Variants in NAA20 observed in about 807,000 individuals in gnomAD.
NAA20 encodes the protein N-alpha-acetyltransferase 20.
A neutral mutation model predicts 23.8 loss-of-function variants in NAA20; 24 were observed. The ratio of observed to expected loss-of-function variants is 1.01; its 90% CI spans 0.73 to 1.42. The LOEUF (loss-of-function observed/expected upper bound fraction) is 1.42. Ranked by LOEUF, NAA20 falls within the 40% of genes most tolerant of loss-of-function variation. The probability of loss-of-function intolerance (pLI) is 0.00; values close to 1 mark genes in which losing one functional copy is unlikely to be tolerated. For missense variants in NAA20, 166 were observed against 223.1 expected, an observed-to-expected ratio of 0.74 and a Z score of 1.63; for synonymous variants, 83 against 77.7, an observed-to-expected ratio of 1.07 and a Z score of -0.36.
intron 3 of NAA20, among the ~76,000 whole-genome samples, chr20:20,026,511 GT>G (rs11481799): frequency 0.01 from 1,480 of 142,648 alleles, 28 homozygotes; most frequent in African/African-American, 0.036. Context: ...ACATACTCTG[GT>G]TTTTTTTTTT....
Position 20,025,657 on chromosome 20 carries a change from A to G in NAA20, c.79-20A>G, listed in dbSNP as rs752761877. On this transcript the variant is annotated intron_variant, in intron 2 of 5. Transcript: ENST00000334982. ...CTTTTTACTGTCCATTACTTTTCAC[A>G]CTCCTTAACAGGACTCTAGTATGGG... The G allele has an allele frequency of 3.2e-6, 5 of 1,567,284 alleles. No homozygotes were observed. Among genetic ancestry groups the G allele is most frequent in the Middle Eastern group, 1.7e-4 (1 of 5,980 alleles).
At chr20:20,024,390 C>A (rs898818533) in intron 2 of NAA20, among the ~76,000 whole-genome samples, 1 of 152,148 alleles carries the variant, frequency 6.6e-6, no homozygotes, top group Non-Finnish European at 1.5e-5. Context: ...AATTAACTTA[C>A]AGGTGCAGGC....
rs376934482 is a variant in NAA20 at position 20,019,992 on chromosome 20, T to G, written c.54-2464T>G. Among the ~76,000 whole-genome samples the G allele has an allele frequency of 1.1e-4, 17 of 152,364 alleles. 1 individual carries two copies. Among genetic ancestry groups the G allele is most frequent in the African/African-American group, 4.1e-4 (17 of 41,588 alleles). On this transcript the variant is annotated intron_variant, in intron 1 of 5. Coordinates refer to ENST00000334982, the MANE Select transcript of NAA20 (RefSeq NM_016100.5). ...AGTTGGAATTGAAATAATCCATGGATGTAGAACACTGCAATTAATTTAACA... is the reference window on the plus strand; with the variant it reads ...AGTTGGAATTGAAATAATCCATGGAGGTAGAACACTGCAATTAATTTAACA...
At chr20:20,022,906 G>A (rs1290782397) in intron 2 of NAA20, among the ~76,000 whole-genome samples, 1 of 152,148 alleles carries the variant, frequency 6.6e-6, no homozygotes, top group Non-Finnish European at 1.5e-5. Context: ...CCCTCCCAGG[G>A]TGGCCGTAAC....
chr20:20,032,601 G>T lies in NAA20; in HGVS notation c.399G>T (p.Thr133=). 1 of 1,612,090 alleles carries T rather than the reference G, an allele frequency of 6.2e-7. No individual in the cohort carries two copies. The highest frequency in any genetic ancestry group is 8.5e-7 in the Non-Finnish European group (1 of 1,179,028). The change falls in exon 5 of 6, where the codon ACG becomes ACT. Residue 133 remains threonine (T), a synonymous_variant. Coordinates refer to ENST00000334982, the MANE Select transcript of NAA20 (RefSeq NM_016100.5). ...AGTTGGGCTACAGTGTATATAGGAC[G>T]GTCATAGAGTACTATTCGGCCAGCA... The part of the protein sequence containing the change: ...YKQLGYSVYR[T]VIEYYSASNG...
intron 1 of NAA20, chr20:20,018,013 C>T (rs2043243167): frequency 6.2e-7 from 1 of 1,614,228 alleles, no homozygotes; most frequent in Non-Finnish European, 8.5e-7. Flanking sequence ...ATCACTGCGT[C>T]CCCTGCAGCA....
chr20:20,024,463 C>T (rs1009069023), intron 2 of NAA20, among the ~76,000 whole-genome samples: 1 of 152,224 alleles, frequency 6.6e-6, no homozygotes, highest in South Asian at 2.1e-4. Flanking sequence ...TCTGCAGGTT[C>T]ATCTGGATTT....
intron 1 of NAA20, among the ~76,000 whole-genome samples, chr20:20,020,284 C>T (rs2043258474): frequency 6.6e-6 from 1 of 152,068 alleles, no homozygotes; most frequent in South Asian, 2.1e-4. Context: ...AAAATAGAAG[C>T]AGGGAAGGAA....
In NAA20 at chr20:20,018,887, A is replaced by T. The variant is rs1281068887; in HGVS notation, c.53+1438A>T. On this transcript the variant is annotated intron_variant, in intron 1 of 5. Transcript: ENST00000334982. ...GGCCCAGGTGAGAATGAGTAAAGCGAGGAACTTCATCCAAGGATATTGGCT... is the reference window on the plus strand; with the variant it reads ...GGCCCAGGTGAGAATGAGTAAAGCGTGGAACTTCATCCAAGGATATTGGCT... 5.1e-6 allele frequency: 5 copies of T among 985,304 alleles called. No individual in the cohort carries two copies. In the East Asian group the frequency reaches 4.5e-4, roughly 89 times the overall value. 61.0% of individuals were successfully genotyped at this position (985,304 alleles called of 1,614,324 possible). A position where few individuals can be genotyped will look rare whatever the true frequency, so the allele number is the denominator to read the frequency against.
chr20:20,033,279 G>A lies in NAA20; in HGVS notation c.*92G>A, dbSNP rs1273125211. 3 of 1,049,702 alleles carry A rather than the reference G, an allele frequency of 2.9e-6. No homozygotes were observed. The highest frequency in any genetic ancestry group is 4.2e-6 in the Non-Finnish European group (3 of 707,888). 65.0% of individuals were successfully genotyped at this position (1,049,702 alleles called of 1,614,324 possible). On this transcript the variant is annotated 3_prime_UTR_variant, in exon 6 of 6. Coordinates refer to ENST00000334982, the MANE Select transcript of NAA20 (RefSeq NM_016100.5). ...ATTCTGGAGCTCTATTAGGAGAAAA[G>A]TAATCATTTTAGGTCTTAAAGACTT... is the stretch of plus-strand genomic sequence containing the variant.
chr20:20,033,215 C>A lies in NAA20; in HGVS notation c.*28C>A, dbSNP rs181139450. The stretch of plus-strand genomic sequence containing the variant: ...CTGGGCAGTGGTTCTTAGGCAGATA[C>A]TCTAGATGCTTTATGGACAATATTA... On this transcript the variant is annotated 3_prime_UTR_variant, in exon 6 of 6. Coordinates refer to ENST00000334982, the MANE Select transcript of NAA20 (RefSeq NM_016100.5). The A allele has an allele frequency of 1.1e-3, 1,719 of 1,495,450 alleles. 32 individuals carry two copies. In the Admixed American group the frequency reaches 0.028, roughly 24 times the overall value. 92.6% of individuals were successfully genotyped at this position (1,495,450 alleles called of 1,614,324 possible). A position where few individuals can be genotyped will look rare whatever the true frequency, so the allele number is the denominator to read the frequency against.
intron 1 of NAA20, chr20:20,018,091 A>G (rs1327277336): frequency 1.2e-6 from 2 of 1,613,512 alleles, no homozygotes; most frequent in Admixed American, 1.7e-5. Flanking sequence ...CGGTGTACAC[A>G]CCTTTCCTCT....
At chr20:20,024,497 AC>A (rs73617293) in intron 2 of NAA20, among the ~76,000 whole-genome samples, 9,706 of 152,328 alleles carry the variant, frequency 0.064, 370 homozygotes, top group East Asian at 0.11. Context: ...TAATGATATC[AC>A]CACTTTTAAG....
At chr20:20,028,746 T>C (rs1460284719) in intron 4 of NAA20, among the ~76,000 whole-genome samples, 1 of 152,134 alleles carries the variant, frequency 6.6e-6, no homozygotes, top group Non-Finnish European at 1.5e-5. Context: ...ATACAATGTA[T>C]ACATTAAAAA....
At chr20:20,017,808 G>C in intron 1 of NAA20, 3 of 1,461,458 alleles carry the variant, frequency 2.1e-6, no homozygotes, top group South Asian at 2.7e-5. Flanking sequence ...CCCACGACCT[G>C]GGCTTCTCGC....
At chr20:20,018,812 C>A in intron 1 of NAA20, 3 of 814,002 alleles carry the variant, frequency 3.7e-6, no homozygotes, top group Non-Finnish European at 4.5e-6. Flanking sequence ...GGTGCTGTCA[C>A]CCCCATTTTG....
chr20:20,022,645 A>G, intron 2 of NAA20, 165 bp downstream of exon 2: 1 of 567,108 alleles, frequency 1.8e-6, no homozygotes, highest in Non-Finnish European at 3.0e-6. Context: ...AACTGAGAAC[A>G]AGAGTTGTCT....
intron 1 of NAA20, among the ~76,000 whole-genome samples, chr20:20,021,510 G>T: frequency 6.6e-6 from 1 of 152,028 alleles, no homozygotes; most frequent in East Asian, 1.9e-4. Context: ...TGATTTTTTT[G>T]GTAAAGGTAT....
chr20:20,025,766 T>C lies in NAA20; in HGVS notation c.168T>C (p.Tyr56=), dbSNP rs1158957457. ...AEAPGGELMG[Y]IMGKAEGSVA... ...CACCTGGTGGAGAATTAATGGGTTA[T>C]AGTAAGTATAATACCACTAGTATTT... is the stretch of plus-strand genomic sequence containing the variant. Residue 56 remains tyrosine (Y), a splice_region_variant and synonymous_variant, in exon 3 of 6, where the codon TAT becomes TAC. Coordinates refer to ENST00000334982, the MANE Select transcript of NAA20 (RefSeq NM_016100.5). 7 of 1,576,564 alleles carry C rather than the reference T, an allele frequency of 4.4e-6. No individual in the cohort carries two copies. The highest frequency in any genetic ancestry group is 1.1e-5 in the South Asian group (1 of 90,312).
Sources: allele counts gnomAD v4.1 joint callset (sites outside exome capture counted in the v4.1 genomes callset), GRCh38; gene constraint gnomAD v4.1.1; transcripts MANE v1.5; gene names NCBI Gene and HGNC (gene_info 2026-07-23, HGNC 2026-07-21).